The following PRKCA variants were observed in gnomAD, a reference collection of about 807,000 sequenced individuals.
The protein encoded by PRKCA is protein kinase C alpha.
A neutral mutation model predicts 87.0 loss-of-function variants in PRKCA; 27 were observed. That is an observed-to-expected ratio of 0.31 (90% confidence interval 0.23 to 0.43). The LOEUF (loss-of-function observed/expected upper bound fraction) is 0.43. Ranked by LOEUF, PRKCA falls within the 20% of genes least tolerant of loss-of-function variation. The pLI is 1.00. For synonymous variants in PRKCA, 329 were observed against 311.1 expected (o/e 1.06, Z -0.61); for missense variants, 518 against 852.3 (o/e 0.61, Z 4.88).
chr17:66,492,052 A>G (rs960609962), intron 2 of PRKCA, among the ~76,000 whole-genome samples: 46 of 152,154 alleles, frequency 3.0e-4, no homozygotes, highest in Non-Finnish European at 1.6e-4. Flanking sequence ...CTTCCTTTGG[A>G]GATCATCCAT....
intron 2 of PRKCA, among the ~76,000 whole-genome samples, chr17:66,455,863 G>A (rs1914554715): frequency 1.3e-5 from 2 of 152,104 alleles, no homozygotes. Flanking sequence ...ATTTCTCTCT[G>A]TACTGGGCTG....
At chr17:66,439,364 TA>T (rs199636071) in intron 2 of PRKCA, among the ~76,000 whole-genome samples, 1,806 of 152,242 alleles carry the variant, frequency 0.012, 37 homozygotes, top group African/African-American at 0.041. Context: ...TATTTTTTAG[TA>T]GAGACAGGGT....
At chr17:66,783,986 G>A (rs1175032709) in intron 14 of PRKCA, among the ~76,000 whole-genome samples, 7 of 152,220 alleles carry the variant, frequency 4.6e-5, no homozygotes, top group Admixed American at 3.3e-4. Flanking sequence ...TTGGTGCTCC[G>A]CTGTCGCATC....
chr17:66,397,091 G>A (rs1910732182), intron 2 of PRKCA, among the ~76,000 whole-genome samples: 2 of 141,568 alleles, frequency 1.4e-5, no homozygotes, highest in South Asian at 2.4e-4. Flanking sequence ...TCAGCCTCCC[G>A]AGTAGCTGGG....
chr17:66,697,120 C>T (rs1972942858), intron 8 of PRKCA, among the ~76,000 whole-genome samples: 1 of 152,242 alleles, frequency 6.6e-6, no homozygotes, highest in East Asian at 1.9e-4. Flanking sequence ...TTAGACAAGT[C>T]AGCCCAGAGG....
intron 16 of PRKCA, among the ~76,000 whole-genome samples, chr17:66,801,325 T>TCCCTGGCCTCTGCCCCCAGA (rs1447974481): frequency 6.6e-6 from 1 of 152,212 alleles, no homozygotes; most frequent in Non-Finnish European, 1.5e-5. Context: ...TTCCACACCA[T>TCCCTGGCCTCTGCCCCCAGA]CCCTGGCCTC....
chr17:66,697,989 A>G (rs1972966622), intron 8 of PRKCA, among the ~76,000 whole-genome samples: 1 of 152,228 alleles, frequency 6.6e-6, no homozygotes, highest in Admixed American at 6.5e-5. Context: ...GAAGGCATGC[A>G]AAGTCAAGAA....
intron 2 of PRKCA, among the ~76,000 whole-genome samples, chr17:66,464,229 A>G (rs1486494033): frequency 6.6e-6 from 1 of 152,136 alleles, no homozygotes; most frequent in Admixed American, 6.5e-5. Flanking sequence ...GTTTAGTGCT[A>G]AATAAGATTC....
chr17:66,475,834 ATT>A (rs1915513015), intron 2 of PRKCA, among the ~76,000 whole-genome samples: 1 of 152,064 alleles, frequency 6.6e-6, no homozygotes. Flanking sequence ...GTCAATGAAG[ATT>A]TTCCTCCCTA....
chr17:66,535,674 G>A (rs999279880), intron 3 of PRKCA, among the ~76,000 whole-genome samples: 1 of 152,192 alleles, frequency 6.6e-6, no homozygotes, highest in Non-Finnish European at 1.5e-5. Flanking sequence ...TGTTGGATCT[G>A]TCCTTCCCTT....
At chr17:66,439,071 A>G (rs1375814249) in intron 2 of PRKCA, among the ~76,000 whole-genome samples, 1 of 152,234 alleles carries the variant, frequency 6.6e-6, no homozygotes, top group African/African-American at 2.4e-5. Context: ...TGAAGACCTC[A>G]GTGCATAAGG....
At chr17:66,367,751 T>C (rs1357866367) in intron 2 of PRKCA, among the ~76,000 whole-genome samples, 1 of 152,198 alleles carries the variant, frequency 6.6e-6, no homozygotes, top group East Asian at 1.9e-4. Context: ...GCTGGCTTTA[T>C]GGTATTGGGC....
intron 2 of PRKCA, among the ~76,000 whole-genome samples, chr17:66,355,360 CAT>C (rs1907988382): frequency 6.6e-6 from 1 of 152,150 alleles, no homozygotes; most frequent in South Asian, 2.1e-4. Flanking sequence ...TTAACCTGTA[CAT>C]TTCTAGGCTT....
At chr17:66,783,887 C>G (rs1466237777) in intron 14 of PRKCA, among the ~76,000 whole-genome samples, 1 of 152,250 alleles carries the variant, frequency 6.6e-6, no homozygotes, top group Non-Finnish European at 1.5e-5. Context: ...CACTGCCCAA[C>G]AAGGTGCACC....
chr17:66,317,090 G>A (rs1024757474), intron 2 of PRKCA, among the ~76,000 whole-genome samples: 3 of 151,538 alleles, frequency 2.0e-5, no homozygotes, highest in East Asian at 1.9e-4. Context: ...TGTAGTGAGC[G>A]GAGATCACGC....
chr17:66,317,562 G>T (rs755719492), intron 2 of PRKCA, among the ~76,000 whole-genome samples: 2 of 152,076 alleles, frequency 1.3e-5, no homozygotes, highest in African/African-American at 4.8e-5. Flanking sequence ...CATTGCAGTC[G>T]TTTTTTTAGT....
chr17:66,415,117 T>C (rs1912059522), intron 2 of PRKCA: 1 of 152,046 alleles, frequency 6.6e-6, no homozygotes, highest in Non-Finnish European at 1.5e-5. Flanking sequence ...TAATCAGTAA[T>C]TTAAATAAAC....
chr17:66,371,626 A>G (rs1269362640), intron 2 of PRKCA, among the ~76,000 whole-genome samples: 1 of 152,246 alleles, frequency 6.6e-6, no homozygotes, highest in Non-Finnish European at 1.5e-5. Flanking sequence ...CTGGATGGCT[A>G]TAAGATTGAA....
chr17:66,413,304 A>G (rs1911926239), intron 2 of PRKCA, among the ~76,000 whole-genome samples: 2 of 152,242 alleles, frequency 1.3e-5, no homozygotes, highest in Admixed American at 1.3e-4. Context: ...ATGAACAGCC[A>G]GAAGGAAGAG....
Sources: gnomAD v4.1 joint callset for allele counts (sites outside exome capture counted in the v4.1 genomes callset) on GRCh38, gnomAD v4.1.1 for gene constraint, MANE v1.5 for transcripts, NCBI Gene and HGNC (gene_info 2026-07-23, HGNC 2026-07-21) for gene names.